CELF5: variants seen among roughly 807,000 people sequenced by gnomAD.
CELF5 encodes the protein CUGBP Elav-like family member 5.
CELF5 carries 6 observed loss-of-function variants against 54.9 expected under a neutral mutation model. That is an observed-to-expected ratio of 0.11 (90% CI 0.06 to 0.22). The LOEUF (loss-of-function observed/expected upper bound fraction) is 0.22, where lower values mean the gene tolerates loss of function less well. CELF5 is among the 10% of genes least tolerant of loss of function. CELF5 has a pLI of 1.00. For missense variants in CELF5, 401 were observed against 678.6 expected, an observed-to-expected ratio of 0.59 and a Z score of 4.54; for synonymous variants, 271 against 290.9, an observed-to-expected ratio of 0.93 and a Z score of 0.70.
intron 2 of CELF5, among the ~76,000 whole-genome samples, chr19:3,258,606 C>T (rs1258604321): frequency 6.6e-6 from 1 of 151,892 alleles, no homozygotes; most frequent in African/African-American, 2.4e-5. Flanking sequence ...TATATATATA[C>T]ATATTTTTTA....
At chr19:3,255,885 T>A (rs867597946) in intron 2 of CELF5, among the ~76,000 whole-genome samples, 1 of 151,838 alleles carries the variant, frequency 6.6e-6, no homozygotes, top group African/African-American at 2.4e-5. Context: ...GCCAACATGG[T>A]GAAACCCCAT....
At chr19:3,290,178 G>T (rs1389464392) in intron 10 of CELF5, 53 bp from the exon 11 acceptor site, 1 of 1,532,470 alleles carries the variant, frequency 6.5e-7, no homozygotes, top group Non-Finnish European at 9.0e-7. Context: ...TCCCCCGGGG[G>T]GGTTCGCCTC....
At chr19:3,287,762 A>AAAC (rs35427130) in intron 10 of CELF5, among the ~76,000 whole-genome samples, 82,462 of 151,260 alleles carry the variant, frequency 0.55, 23,775 homozygotes, top group Middle Eastern at 0.69. Flanking sequence ...CAAAACAACA[A>AAAC]AACAACAACA....
intron 2 of CELF5, among the ~76,000 whole-genome samples, chr19:3,257,071 A>G (rs576356821): frequency 6.6e-6 from 1 of 152,038 alleles, no homozygotes; most frequent in Non-Finnish European, 1.5e-5. Flanking sequence ...AGCCTCCCAA[A>G]GTGCTGGGAT....
At chr19:3,285,818 A>G in intron 9 of CELF5, 124 bp from the exon 10 acceptor site, 3 of 211,528 alleles carry the variant, frequency 1.4e-5, no homozygotes, top group South Asian at 8.0e-5. Flanking sequence ...AAAGGCCATG[A>G]TCACACCCAC....
rs1239814995 is a variant in CELF5 at position 3,282,155 on chromosome 19, C to T, written c.780C>T (p.Ser260=). ...TGCAACAGCAGACAACAGTCCTGTC[C>T]ACCTCGGGCAGCTACCTGAGTCCCG... is the stretch of plus-strand genomic sequence containing the variant. ...ALMQQQTTVL[S]TSGSYLSPGV... is the part of the protein sequence containing the mutation. Residue 260 remains serine, a synonymous_variant, in exon 7 of 13, where the codon TCC becomes TCT. Coordinates refer to ENST00000292672, the MANE Select transcript of CELF5 (RefSeq NM_021938.4). This position sits in a 1 kb window ranked among gnomAD's most constrained non-coding sequence, Gnocchi z 5.2. 1.9e-6 allele frequency: 3 copies of T among 1,614,254 alleles called. No homozygotes were observed. Among genetic ancestry groups the T allele is most frequent in the East Asian group, 4.5e-5 (2 of 44,892 alleles).
At chr19:3,260,217 A>G (rs2145181275) in intron 2 of CELF5, among the ~76,000 whole-genome samples, 1 of 151,332 alleles carries the variant, frequency 6.6e-6, no homozygotes, top group East Asian at 2.0e-4. Context: ...CCCGGGTTCA[A>G]GCAATTCTCT....
At position 3,278,886 on chromosome 19, in the gene CELF5, A is replaced by G. The variant is rs73921263; in HGVS notation, c.603+776A>G. Among the ~76,000 whole-genome samples, 8,924 of 152,204 alleles carry G rather than the reference A, an allele frequency of 0.059. 660 individuals are homozygous for G. The highest frequency in any genetic ancestry group is 0.18 in the African/African-American group (7,298 of 41,474). ...CTGAGGCCAGGAGAGGCCCTGACAA[A>G]AAGAAAGGCTGGGAGGTGGCAACAG... On this transcript the variant is annotated intron_variant, in intron 5 of 12. Coordinates refer to ENST00000292672, the MANE Select transcript of CELF5 (RefSeq NM_021938.4). This position sits in a 1 kb window ranked among gnomAD's most constrained non-coding sequence, Gnocchi z 4.5.
At chr19:3,296,637 C>T (rs905499047) in intron 12 of CELF5, 121 bp from the exon 13 acceptor site, 2 of 152,084 alleles carry the variant, frequency 1.3e-5, no homozygotes, top group Admixed American at 6.6e-5. Context: ...CACCCGTGTC[C>T]GCGGCGCCCG....
intron 5 of CELF5, among the ~76,000 whole-genome samples, chr19:3,280,898 G>A (rs560078182): frequency 3.3e-5 from 5 of 152,272 alleles, no homozygotes; most frequent in Non-Finnish European, 5.9e-5. Flanking sequence ...GTTCTCCAGC[G>A]GCGGGATTCT....
At chr19:3,273,817 G>A (rs534067312) in intron 2 of CELF5, 55 bp from the exon 3 acceptor site, 66 of 874,454 alleles carry the variant, frequency 7.5e-5, no homozygotes, top group South Asian at 7.2e-4. Flanking sequence ...AAAACCCCCC[G>A]CCTGCCACAC....
chr19:3,256,238 A>G (rs2079724100), intron 2 of CELF5, among the ~76,000 whole-genome samples: 1 of 151,900 alleles, frequency 6.6e-6, no homozygotes, highest in Non-Finnish European at 1.5e-5. Context: ...CCGCCTGGAG[A>G]ATTTCTACCT....
At chr19:3,276,421 AG>A (rs2080054052) in intron 4 of CELF5, among the ~76,000 whole-genome samples, 1 of 122,966 alleles carries the variant, frequency 8.1e-6, no homozygotes, top group Non-Finnish European at 1.7e-5. Context: ...GGTCTTGGGT[AG>A]GGGAGGTACT....
At chr19:3,258,560 A>G (rs1378232914) in intron 2 of CELF5, among the ~76,000 whole-genome samples, 1 of 152,194 alleles carries the variant, frequency 6.6e-6, no homozygotes, top group Non-Finnish European at 1.5e-5. Flanking sequence ...AAATAAGGGC[A>G]TATCCACAGA....
chr19:3,249,601 A>G (rs1248253745), intron 1 of CELF5, among the ~76,000 whole-genome samples: 1 of 151,352 alleles, frequency 6.6e-6, no homozygotes, highest in Non-Finnish European at 1.5e-5. Context: ...ATGTCATCCA[A>G]TCCCAGCCTC....
intron 1 of CELF5, among the ~76,000 whole-genome samples, chr19:3,233,323 T>G (rs902497657): frequency 2.0e-5 from 3 of 152,148 alleles, no homozygotes; most frequent in Non-Finnish European, 2.9e-5. Flanking sequence ...TAAGTCTGTA[T>G]TGTGTGCCAG....
intron 11 of CELF5, among the ~76,000 whole-genome samples, chr19:3,291,891 C>T (rs2080355090): frequency 6.6e-6 from 1 of 152,110 alleles, no homozygotes; most frequent in Admixed American, 6.5e-5. Flanking sequence ...CAAAGTCACA[C>T]AGCAGGAAAG....
At chr19:3,270,410 G>A (rs2079941407) in intron 2 of CELF5, among the ~76,000 whole-genome samples, 1 of 152,012 alleles carries the variant, frequency 6.6e-6, no homozygotes, top group African/African-American at 2.4e-5. Context: ...AGGGAGCCGG[G>A]AGGAGGTGGG....
At chr19:3,294,855 C>T (rs1258999367) in intron 12 of CELF5, 1 of 152,232 alleles carries the variant, frequency 6.6e-6, no homozygotes, top group Admixed American at 6.5e-5. Context: ...GTGATGGTGA[C>T]ATTAAGTTCT....
Sources: gnomAD v4.1 joint callset for allele counts (sites outside exome capture counted in the v4.1 genomes callset) on GRCh38, gnomAD v4.1.1 for gene constraint, Gnocchi (gnomAD v3.1) non-coding constraint, MANE v1.5 for transcripts, NCBI Gene and HGNC (gene_info 2026-07-23, HGNC 2026-07-21) for gene names.